Variants in MEDAG observed in about 807,000 individuals in gnomAD.
The protein encoded by MEDAG is mesenteric estrogen dependent adipogenesis, also known as mesenteric estrogen-dependent adipogenesis protein.
In MEDAG, 25 loss-of-function variants were observed where a neutral mutation model predicts 29.9. The ratio of observed to expected loss-of-function variants is 0.84; its 90% CI spans 0.61 to 1.17. MEDAG has a LOEUF of 1.17. MEDAG is among the 50% of genes most tolerant of loss of function. The pLI, the probability that MEDAG is intolerant of heterozygous loss-of-function variation, is 0.00. For synonymous variants in MEDAG, 158 were observed against 148.2 expected (o/e 1.07, Z -0.48); for missense variants, 398 against 372.9 (o/e 1.07, Z -0.56).
rs199746106 is a variant in MEDAG, at chr13:30,906,756, G to C, written c.241G>C (p.Asp81His). 2.6e-6 allele frequency: 4 copies of C among 1,510,660 alleles called. No homozygotes were observed. Among genetic ancestry groups the C allele is most frequent in the African/African-American group, 2.9e-5 (2 of 70,000 alleles). 93.6% of individuals were successfully genotyped at this position (1,510,660 alleles called of 1,614,324 possible). A position where few individuals can be genotyped will look rare whatever the true frequency, so the allele number is the denominator to read the frequency against. Residue 81 changes from aspartate to histidine, a missense_variant, in exon 1 of 5, where the codon GAC becomes CAC. By Grantham distance (81) the Asp-to-His change is moderately conservative. Coordinates refer to ENST00000380482, the MANE Select transcript of MEDAG (RefSeq NM_032849.4). ...CTTCGGTGACGGCCTCGTGCGCCTC[G>C]ACGGGCAGCTCTACCGCCTCAGCAG... ...NVFGDGLVRL[D>H]GQLYRLSSYI...
chr13:30,920,342 T>C (rs945448932), intron 2 of MEDAG, among the ~76,000 whole-genome samples: 13 of 152,096 alleles, frequency 8.5e-5, no homozygotes, highest in African/African-American at 2.7e-4. Context: ...TCCCAGCACT[T>C]TGGGAGGCCG....
chr13:30,910,988 G>A (rs770060984), intron 1 of MEDAG, among the ~76,000 whole-genome samples: 4 of 152,234 alleles, frequency 2.6e-5, no homozygotes, highest in Admixed American at 1.3e-4. Flanking sequence ...AGGACACACA[G>A]TGATGTTGGT....
At position 30,924,496 on chromosome 13, in the gene MEDAG, G is replaced by T; in HGVS notation, c.*61G>T. 5 of 1,532,922 alleles carry T rather than the reference G, an allele frequency of 3.3e-6. No individual in the cohort carries two copies. The South Asian group carries it at 5.1e-5, about 16-fold the overall frequency. The allele number at this position is 1,532,922 out of a possible 1,614,324, so 95.0% of individuals were successfully genotyped here. Reference sequence around the variant, plus strand: ...CAGGCCTGTGCTAGACTATAGGCTGGGGGGAGGGTAGGAGGTGGGAGGCAG... The same window carrying T: ...CAGGCCTGTGCTAGACTATAGGCTGTGGGGAGGGTAGGAGGTGGGAGGCAG... On this transcript the variant is annotated 3_prime_UTR_variant, in exon 5 of 5. Transcript: ENST00000380482.
chr13:30,912,502 A>G (rs1425638707), intron 1 of MEDAG, among the ~76,000 whole-genome samples: 1 of 151,056 alleles, frequency 6.6e-6, no homozygotes, highest in African/African-American at 2.4e-5. Context: ...TATTTTTTTT[A>G]ATGAACACAC....
Position 30,917,456 on chromosome 13 carries a change from T to A in MEDAG, c.332T>A (p.Leu111Ter), listed in dbSNP as rs1411635739. The A allele has an allele frequency of 6.2e-7, 1 of 1,612,488 alleles. No homozygotes were observed. The highest frequency in any genetic ancestry group is 1.7e-5 in the Admixed American group (1 of 59,998). ...CDYKDYRETI[L>*]SKPMLFFINV... is the part of the protein sequence containing the mutation. The stretch of plus-strand genomic sequence containing the variant: ...TATAAAGACTACAGGGAAACTATAT[T>A]GAGCAAACCAATGTTGTTCTTTATT... The change falls in exon 2 of 5, where the codon TTG (leucine) becomes TAG (stop). Residue 111 changes from leucine (L) to a stop codon, truncating the protein, a stop_gained. Transcript: ENST00000380482. LOFTEE classifies it high-confidence loss of function.
In MEDAG at chr13:30,906,690, A is replaced by G. The variant is rs9531945; in HGVS notation, c.175A>G (p.Arg59Gly). 1 allele frequency: 1,531,344 copies of G among 1,537,680 alleles called. 762,729 individuals are homozygous for G. The highest frequency in any genetic ancestry group is 1 in the East Asian group (41,113 of 41,114). The change falls in exon 1 of 5, where the codon AGG (arginine) becomes GGG (glycine). Residue 59 changes from arginine to glycine, a missense_variant. Transcript: ENST00000380482. ...QLSGDQLVVA[R>G]PGEPAAARGG... ...GAGCGGCGACCAGCTCGTGGTGGCC[A>G]GGCCCGGGGAGCCGGCGGCGGCGCG...
At chr13:30,916,460 G>T (rs994070821) in intron 1 of MEDAG, 3 of 152,292 alleles carry the variant, frequency 2.0e-5, no homozygotes, top group Non-Finnish European at 4.4e-5. Flanking sequence ...CAGCCCGCGC[G>T]CTCAGCTCAG....
chr13:30,925,473 C>G lies in MEDAG; in HGVS notation c.*1038C>G, dbSNP rs1953032711. ...GCATTTTGATAACACTACTGATGAT[C>G]CTTCCACTTATATTTGAAATGTTAT... On this transcript the variant is annotated 3_prime_UTR_variant, in exon 5 of 5. Coordinates refer to ENST00000380482, the MANE Select transcript of MEDAG (RefSeq NM_032849.4). 6.6e-6 allele frequency: 1 copy of G among 152,138 alleles called. No homozygotes were observed. Among genetic ancestry groups the G allele is most frequent in the South Asian group, 2.1e-4 (1 of 4,824 alleles). 9.4% of individuals were successfully genotyped at this position (152,138 alleles called of 1,614,324 possible).
intron 1 of MEDAG, among the ~76,000 whole-genome samples, chr13:30,915,686 C>T (rs1952920997): frequency 6.6e-6 from 1 of 151,910 alleles, no homozygotes; most frequent in Non-Finnish European, 1.5e-5. Context: ...GTTCCCCCAT[C>T]TCACCCCCTT....
chr13:30,921,934 G>A (rs1952991313), intron 4 of MEDAG, 88 bp downstream of exon 4: 3 of 1,355,650 alleles, frequency 2.2e-6, no homozygotes, highest in East Asian at 2.4e-5. Flanking sequence ...TGATTCAAAA[G>A]GCAAGACCTA....
chr13:30,908,369 GA>G (rs1469745253), intron 1 of MEDAG, among the ~76,000 whole-genome samples: 8 of 152,324 alleles, frequency 5.3e-5, no homozygotes, highest in Non-Finnish European at 1.0e-4. Flanking sequence ...TTGTACCTGG[GA>G]AATAGCAAGG....
chr13:30,925,504 A>G lies in MEDAG; in HGVS notation c.*1069A>G, dbSNP rs541863965. The G allele has an allele frequency of 1.3e-5, 2 of 152,332 alleles. No homozygotes were observed. Among genetic ancestry groups the G allele is most frequent in the African/African-American group, 4.8e-5 (2 of 41,580 alleles). 9.4% of individuals were successfully genotyped at this position (152,332 alleles called of 1,614,324 possible). A position where few individuals can be genotyped will look rare whatever the true frequency, so the allele number is the denominator to read the frequency against. ...ACTTATATTTGAAATGTTATGTACC[A>G]CATTTGCACAATTAAAACTTTTCTT... is the stretch of plus-strand genomic sequence containing the variant. On this transcript the variant is annotated 3_prime_UTR_variant, in exon 5 of 5. Transcript: ENST00000380482.
intron 1 of MEDAG, among the ~76,000 whole-genome samples, chr13:30,911,479 T>C (rs1272988797): frequency 6.6e-6 from 1 of 152,108 alleles, no homozygotes; most frequent in East Asian, 1.9e-4. Flanking sequence ...CACCCCATAG[T>C]CCTCATGGAT....
intron 4 of MEDAG, among the ~76,000 whole-genome samples, chr13:30,923,453 C>T (rs1289451500): frequency 1.1e-4 from 17 of 152,032 alleles, no homozygotes; most frequent in Admixed American, 1.1e-3. Context: ...GTCTGTTTCT[C>T]TCTCTTTCCC....
Position 30,917,409 on chromosome 13 carries a change from G to C in MEDAG, c.285G>C (p.Val95=). ...YRLSSYIKRY[V]ELTNYCDYKD... is the part of the protein sequence containing the mutation. ...GATCTCTGCTTCTTCATAGGTATGT[G>C]GAACTGACCAACTACTGTGATTATA... Residue 95 remains valine (V), a synonymous_variant, in exon 2 of 5, where the codon GTG becomes GTC. Coordinates refer to ENST00000380482, the MANE Select transcript of MEDAG (RefSeq NM_032849.4). The C allele has an allele frequency of 6.3e-7, 1 of 1,575,624 alleles. No individual in the cohort carries two copies. Among genetic ancestry groups the C allele is most frequent in the African/African-American group, 1.3e-5 (1 of 74,150 alleles).
intron 2 of MEDAG, among the ~76,000 whole-genome samples, chr13:30,920,431 A>T (rs1027512988): frequency 3.3e-5 from 5 of 152,044 alleles, no homozygotes; most frequent in Non-Finnish European, 7.4e-5. Context: ...GCAAAAAAAA[A>T]TACAAAAATT....
intron 4 of MEDAG, chr13:30,922,078 T>C (rs1309154983): frequency 2.7e-6 from 1 of 364,468 alleles, no homozygotes; most frequent in Admixed American, 4.3e-5. Flanking sequence ...TTATGCAGTA[T>C]ACCCCAAAAT....
At chr13:30,915,850 G>A (rs959357692) in intron 1 of MEDAG, among the ~76,000 whole-genome samples, 18 of 151,450 alleles carry the variant, frequency 1.2e-4, no homozygotes, top group South Asian at 4.2e-4. Flanking sequence ...CATTCCCATC[G>A]TCCTCTCCTC....
At chr13:30,907,775 C>G (rs1952843956) in intron 1 of MEDAG, among the ~76,000 whole-genome samples, 1 of 152,242 alleles carries the variant, frequency 6.6e-6, no homozygotes, top group Admixed American at 6.5e-5. Context: ...CTGGGAAAGA[C>G]AGCGTGCTGT....
Sources: gnomAD v4.1 joint callset for allele counts (sites outside exome capture counted in the v4.1 genomes callset) on GRCh38, gnomAD v4.1.1 for gene constraint, MANE v1.5 for transcripts, NCBI Gene and HGNC (gene_info 2026-07-23, HGNC 2026-07-21) for gene names.